ST3GAL3: variants seen among roughly 807,000 people sequenced by gnomAD.
The protein encoded by ST3GAL3 is CMP-N-acetylneuraminate-beta-1,4-galactoside alpha-2,3-sialyltransferase.
Under a neutral mutation model 50.1 loss-of-function variants are expected in ST3GAL3, and 21 were observed. The ratio of observed to expected loss-of-function variants is 0.42; its 90% CI spans 0.30 to 0.60. ST3GAL3 has a LOEUF of 0.60. Among genes scored for constraint, ST3GAL3 ranks in the 20% least tolerant of loss-of-function variants. ST3GAL3 has a pLI of 0.19. For synonymous variants in ST3GAL3, 183 were observed against 190.0 expected, an observed-to-expected ratio of 0.96 and a Z score of 0.30; for missense variants, 353 against 489.4, an observed-to-expected ratio of 0.72 and a Z score of 2.63.
chr1:43,729,711 G>A (rs1674770342), intron 1 of ST3GAL3, among the ~76,000 whole-genome samples: 1 of 152,186 alleles, frequency 6.6e-6, no homozygotes. Flanking sequence ...CCTATTTTGT[G>A]TATGTACCAT....
At chr1:43,908,949 C>G (rs934864878) in intron 9 of ST3GAL3, among the ~76,000 whole-genome samples, 1 of 152,144 alleles carries the variant, frequency 6.6e-6, no homozygotes, top group African/African-American at 2.4e-5. Context: ...CTCTTTAGCA[C>G]CCGCCATGTA....
intron 2 of ST3GAL3, among the ~76,000 whole-genome samples, chr1:43,762,405 A>G (rs1690850482): frequency 1.3e-5 from 2 of 151,952 alleles, no homozygotes; most frequent in African/African-American, 4.8e-5. Flanking sequence ...CCTTCCCTCT[A>G]GCCCTTAAAT....
chr1:43,860,691 G>GT (rs1332622993), intron 5 of ST3GAL3, among the ~76,000 whole-genome samples: 2 of 152,200 alleles, frequency 1.3e-5, no homozygotes, highest in Non-Finnish European at 2.9e-5. Context: ...TGAGCAGCAG[G>GT]TCTCTTCCTG....
intron 4 of ST3GAL3, among the ~76,000 whole-genome samples, chr1:43,817,911 T>C (rs1176231015): frequency 1.3e-5 from 2 of 151,754 alleles, no homozygotes; most frequent in East Asian, 1.9e-4. Flanking sequence ...TTTCTTCTTC[T>C]TTTGGTACAG....
In ST3GAL3 at chr1:43,852,121, G is replaced by A. The variant is rs559181386; in HGVS notation, c.302+13810G>A. Among the ~76,000 whole-genome samples the A allele has an allele frequency of 7.2e-5, 11 of 152,258 alleles. No homozygotes were observed. The South Asian group carries it at 1.0e-3, about 14-fold the overall frequency. The stretch of plus-strand genomic sequence containing the variant: ...GGAAGGGGTGCTGATGTGCCCACCC[G>A]TCCAGACCAGAGTCCTGCTTCTCTG... On this transcript the variant is annotated intron_variant, in intron 5 of 11. Coordinates refer to ENST00000347631, the MANE Select transcript of ST3GAL3 (RefSeq NM_006279.5).
intron 2 of ST3GAL3, 72 bp downstream of exon 2, chr1:43,736,452 G>C: frequency 1.2e-6 from 2 of 1,613,714 alleles, no homozygotes; most frequent in Non-Finnish European, 1.7e-6. Context: ...TCGTGTGGCT[G>C]CGTCTCATAT....
chr1:43,854,572 C>G (rs780300679), intron 5 of ST3GAL3, among the ~76,000 whole-genome samples: 11 of 152,134 alleles, frequency 7.2e-5, no homozygotes, highest in Non-Finnish European at 1.6e-4. Context: ...TCTTCTCACT[C>G]CACTGCTTTA....
intron 5 of ST3GAL3, among the ~76,000 whole-genome samples, chr1:43,862,047 G>T (rs1362146377): frequency 2.0e-5 from 3 of 146,652 alleles, no homozygotes; most frequent in Non-Finnish European, 4.5e-5. Flanking sequence ...AAAAAAAAAA[G>T]AGAGACAACT....
intron 5 of ST3GAL3, among the ~76,000 whole-genome samples, chr1:43,846,680 G>A (rs973201229): frequency 6.6e-6 from 1 of 152,194 alleles, no homozygotes; most frequent in East Asian, 1.9e-4. Flanking sequence ...TGTATTTTTT[G>A]TAGAGACAAG....
chr1:43,759,689 A>C (rs1281353245), intron 2 of ST3GAL3, among the ~76,000 whole-genome samples: 2 of 152,210 alleles, frequency 1.3e-5, no homozygotes, highest in African/African-American at 4.8e-5. Context: ...ATGGCAGGTA[A>C]AGCTGCTTGC....
chr1:43,831,927 T>C (rs1446089090), intron 4 of ST3GAL3: 1 of 152,262 alleles, frequency 6.6e-6, no homozygotes, highest in Non-Finnish European at 1.5e-5. Flanking sequence ...GAGGTACTAC[T>C]TTGTAGAGGA....
chr1:43,761,776 C>T (rs758488600), intron 2 of ST3GAL3, among the ~76,000 whole-genome samples: 1 of 150,998 alleles, frequency 6.6e-6, no homozygotes, highest in Non-Finnish European at 1.5e-5. Context: ...CAGTGAAACC[C>T]AGTCTCTACT....
chr1:43,800,301 C>T (rs2059172429), intron 3 of ST3GAL3, among the ~76,000 whole-genome samples: 1 of 152,156 alleles, frequency 6.6e-6, no homozygotes, highest in Non-Finnish European at 1.5e-5. Context: ...TAGAAAAATG[C>T]TTTTCCTTTT....
At chr1:43,904,873 G>C (rs1428190449) in intron 9 of ST3GAL3, among the ~76,000 whole-genome samples, 3 of 132,364 alleles carry the variant, frequency 2.3e-5, no homozygotes, top group African/African-American at 5.8e-5. Flanking sequence ...TCCTCCTCCT[G>C]CTCCTCTTCC....
intron 5 of ST3GAL3, among the ~76,000 whole-genome samples, chr1:43,863,539 C>T (rs763281809): frequency 4.6e-5 from 7 of 152,222 alleles, no homozygotes; most frequent in African/African-American, 9.7e-5. Flanking sequence ...GACATTTCTT[C>T]GCACAAGTCA....
rs546903675 is a variant in ST3GAL3 at position 43,913,136 on chromosome 1, TC to T, written c.745-7265del. 1.2e-3 allele frequency: 180 copies of T among 152,326 alleles called. 1 individual carries two copies. Among genetic ancestry groups the T allele is most frequent in the Non-Finnish European group, 1.3e-3 (86 of 68,080 alleles). The allele number at this position is 152,326 out of a possible 1,614,324, so 9.4% of individuals were successfully genotyped here. ...GGGAGCCAGGGGGAAAGGCTGGCTCTCCCATTCAAATGCATGTACGTGTGCA... is the reference window on the plus strand; with the variant it reads ...GGGAGCCAGGGGGAAAGGCTGGCTCTCCATTCAAATGCATGTACGTGTGCA... On this transcript the variant is annotated intron_variant, in intron 9 of 11. Coordinates refer to ENST00000347631, the MANE Select transcript of ST3GAL3 (RefSeq NM_006279.5).
At chr1:43,761,217 A>G (rs1690206801) in intron 2 of ST3GAL3, among the ~76,000 whole-genome samples, 1 of 152,182 alleles carries the variant, frequency 6.6e-6, no homozygotes, top group South Asian at 2.1e-4. Context: ...GAATTCTTGT[A>G]AGATTTAATA....
intron 3 of ST3GAL3, among the ~76,000 whole-genome samples, chr1:43,802,219 C>A (rs3791056): frequency 2.6e-5 from 4 of 152,042 alleles, no homozygotes; most frequent in Admixed American, 6.6e-5. Flanking sequence ...TAATGATACT[C>A]TCTTAAAAAA....
At chr1:43,726,439 A>G (rs559385352) in intron 1 of ST3GAL3, among the ~76,000 whole-genome samples, 1 of 152,110 alleles carries the variant, frequency 6.6e-6, no homozygotes, top group Non-Finnish European at 1.5e-5. Flanking sequence ...GGCACATGCC[A>G]CTATGCCCAG....
Sources: gnomAD v4.1 joint callset for allele counts (sites outside exome capture counted in the v4.1 genomes callset) on GRCh38, gnomAD v4.1.1 for gene constraint, MANE v1.5 for transcripts, NCBI Gene and HGNC (gene_info 2026-07-23, HGNC 2026-07-21) for gene names.